ADGRG5: variants seen among roughly 807,000 people sequenced by gnomAD.
ADGRG5 encodes G protein-coupled receptor 114.
In ADGRG5, 37 loss-of-function variants were observed where a neutral mutation model predicts 53.2. The observed-to-expected ratio is 0.70, with a 90% CI of 0.53 to 0.91. ADGRG5 has a LOEUF of 0.91. Ranked by LOEUF, ADGRG5 falls within the 40% of genes least tolerant of loss-of-function variation. The pLI, the probability that ADGRG5 is intolerant of heterozygous loss-of-function variation, is 0.00. For missense variants in ADGRG5, 614 were observed against 675.8 expected, an observed-to-expected ratio of 0.91 and a Z score of 1.01; for synonymous variants, 277 against 290.4, an observed-to-expected ratio of 0.95 and a Z score of 0.47.
chr16:57,552,796 C>T (rs1199894936), intron 1 of ADGRG5, among the ~76,000 whole-genome samples: 1 of 152,184 alleles, frequency 6.6e-6, no homozygotes, highest in Non-Finnish European at 1.5e-5. Flanking sequence ...TGGGTTTTCA[C>T]GTGTCTTCCT....
the ADGRG5 span, among the ~76,000 whole-genome samples, chr16:57,529,895 T>C: frequency 2.6e-5 from 4 of 152,320 alleles, no homozygotes; most frequent in South Asian, 8.3e-4. The surrounding 1 kb of genome is among the most constrained non-coding windows in gnomAD (Gnocchi z 4.1). Context: ...ACCACTGTTT[T>C]AGTCCCAACA....
At chr16:57,547,231 C>T (rs1398090351) in intron 1 of ADGRG5, among the ~76,000 whole-genome samples, 1 of 151,992 alleles carries the variant, frequency 6.6e-6, no homozygotes, top group African/African-American at 2.4e-5. Flanking sequence ...TTAAACAATA[C>T]AGAAAATATA....
At chr16:57,565,342 A>C (rs1362852413) in intron 6 of ADGRG5, 192 bp downstream of exon 6, 6 of 604,460 alleles carry the variant, frequency 9.9e-6, no homozygotes, top group Admixed American at 6.1e-5. Context: ...TTCAGTTGCA[A>C]GTAAGAAAAG....
chr16:57,544,504 C>T (rs1361699489), intron 1 of ADGRG5, among the ~76,000 whole-genome samples: 1 of 152,082 alleles, frequency 6.6e-6, no homozygotes, highest in African/African-American at 2.4e-5. Context: ...TCTGCTTTGG[C>T]CTCAATTTCT....
chr16:57,529,335 AC>A, the ADGRG5 span: 3 of 1,037,750 alleles, frequency 2.9e-6, no homozygotes, highest in Non-Finnish European at 3.6e-6. The surrounding 1 kb of genome is among the most constrained non-coding windows in gnomAD (Gnocchi z 4.1). Flanking sequence ...CTACGGGAGA[AC>A]ACAACCGTTA....
At chr16:57,561,271 GCCT>G (rs1327582864) in intron 1 of ADGRG5, among the ~76,000 whole-genome samples, 1 of 152,198 alleles carries the variant, frequency 6.6e-6, no homozygotes, top group East Asian at 1.9e-4. Flanking sequence ...CCTACTTGTA[GCCT>G]CCAAAATTTA....
intron 8 of ADGRG5, 26 bp from the exon 9 acceptor site, chr16:57,567,829 CA>C: frequency 6.3e-7 from 1 of 1,595,874 alleles, no homozygotes; most frequent in Non-Finnish European, 8.5e-7. Context: ...GTCCCTGGGC[CA>C]TGGAGGACCA....
At chr16:57,558,871 G>T (rs1596783796) in intron 1 of ADGRG5, among the ~76,000 whole-genome samples, 2 of 151,188 alleles carry the variant, frequency 1.3e-5, no homozygotes. Flanking sequence ...TTGAGACAGG[G>T]TCTCACTCTG....
chr16:57,562,219 G>T, intron 2 of ADGRG5, 62 bp downstream of exon 2: 6 of 1,517,052 alleles, frequency 4.0e-6, no homozygotes, highest in Non-Finnish European at 2.7e-6. Flanking sequence ...TGATGCAAAA[G>T]GGGGAGGCGT....
At position 57,575,422 on chromosome 16, in the gene ADGRG5, C is replaced by T. The variant is rs553014408; in HGVS notation, c.1487-16C>T. ...AGCCCATGCTGCCCCGTGGAACTCC[C>T]GCCTTTCTCTTGCAGGTTTCTTCCT... On this transcript the variant is annotated splice_polypyrimidine_tract_variant and intron_variant, in intron 11 of 11. Transcript: ENST00000349457. 1.6e-5 allele frequency: 25 copies of T among 1,612,626 alleles called. No homozygotes were observed. The highest frequency in any genetic ancestry group is 4.4e-5 in the South Asian group (4 of 91,038).
intron 9 of ADGRG5, among the ~76,000 whole-genome samples, chr16:57,569,230 A>G (rs576321297): frequency 1.6e-5 from 2 of 128,888 alleles, no homozygotes; most frequent in South Asian, 5.7e-4. Context: ...CACCACCACC[A>G]TCATCTCCTT....
rs35948606 is a variant in ADGRG5 at position 57,556,908 on chromosome 16, C to CTTTTTTT, written c.-38-5135_-38-5129dup. On this transcript the variant is annotated intron_variant, in intron 1 of 11. Coordinates refer to ENST00000349457, the MANE Select transcript of ADGRG5 (RefSeq NM_001304376.3). The stretch of plus-strand genomic sequence containing the variant: ...GAAGAAGTTCTTATTTTGCCTTCTT[C>CTTTTTTT]TTTTTTTTTTTTTTTTTTTGAGACA... Among the ~76,000 whole-genome samples, 277 of 115,648 alleles carry CTTTTTTT rather than the reference C, an allele frequency of 2.4e-3. 1 individual carries two copies. The highest frequency in any genetic ancestry group is 6.8e-3 in the East Asian group (26 of 3,798). The allele number at this position is 115,648 out of a possible 152,430, so 75.9% of individuals were successfully genotyped here. A position where few individuals can be genotyped will look rare whatever the true frequency, so the allele number is the denominator to read the frequency against.
chr16:57,553,987 C>A (rs544199548), intron 1 of ADGRG5, among the ~76,000 whole-genome samples: 28 of 152,280 alleles, frequency 1.8e-4, no homozygotes, highest in African/African-American at 6.7e-4. Flanking sequence ...GTGAGGCCAT[C>A]TGGGCCTAGT....
the ADGRG5 span, among the ~76,000 whole-genome samples, chr16:57,530,410 A>G: frequency 6.6e-6 from 1 of 152,004 alleles, no homozygotes; most frequent in East Asian, 1.9e-4. Flanking sequence ...CTTCCCCATT[A>G]GGCAGAGAGC....
Position 57,565,056 on chromosome 16 carries a change from T to C in ADGRG5, c.452T>C (p.Leu151Pro), listed in dbSNP as rs750882461. The C allele has an allele frequency of 1.2e-6, 2 of 1,613,510 alleles. No homozygotes were observed. Residue 151 changes from leucine to proline, a missense_variant, in exon 6 of 12, where the codon CTG (leucine) becomes CCG (proline). Coordinates refer to ENST00000349457, the MANE Select transcript of ADGRG5 (RefSeq NM_001304376.3). ...FFKDENNSSL[L>P]NNYVLGAQLS... ...CAGGATGAAAACAACTCATCTCTGCTGAATAACTACGTCCTGGGGGCCCAG... is the reference window on the plus strand; with the variant it reads ...CAGGATGAAAACAACTCATCTCTGCCGAATAACTACGTCCTGGGGGCCCAG...
At position 57,570,476 on chromosome 16, in the gene ADGRG5, C is replaced by T; in HGVS notation, c.1149C>T (p.Pro383=). ...SLSVKSSVYG[P]CTIPVFDSWE... ...CTGTCAAGAGCTCGGTATACGGACC[C>T]TGCACAATCCCCGTCTTCGACAGCT... The change falls in exon 10 of 12, where the codon CCC becomes CCT. Residue 383 remains proline (P), a synonymous_variant. Transcript: ENST00000349457. 6.2e-7 allele frequency: 1 copy of T among 1,613,660 alleles called. No individual in the cohort carries two copies. Among genetic ancestry groups the T allele is most frequent in the Non-Finnish European group, 8.5e-7 (1 of 1,179,992 alleles).
At chr16:57,540,358 CTG>C (rs1444208332), upstream of ADGRG5, among the ~76,000 whole-genome samples, 2 of 152,180 alleles carry the variant, frequency 1.3e-5, no homozygotes, top group African/African-American at 2.4e-5. Flanking sequence ...TGCATTGTGA[CTG>C]TTTATCTAAA....
chr16:57,557,926 T>C (rs1246723489), intron 1 of ADGRG5, among the ~76,000 whole-genome samples: 1 of 152,262 alleles, frequency 6.6e-6, no homozygotes, highest in Non-Finnish European at 1.5e-5. Flanking sequence ...ATCTTGTCTC[T>C]ATATGATAGT....
Position 57,563,968 on chromosome 16 carries a change from C to A in ADGRG5, c.418C>A (p.His140Asn). 1 of 1,612,668 alleles carries A rather than the reference C, an allele frequency of 6.2e-7. No individual in the cohort carries two copies. The highest frequency in any genetic ancestry group is 8.5e-7 in the Non-Finnish European group (1 of 1,178,854). Residue 140 changes from histidine (H) to asparagine (N), a missense_variant, in exon 5 of 12, where the codon CAC becomes AAC. By Grantham distance (68) the His-to-Asn change is moderately conservative (BLOSUM62 1). Coordinates refer to ENST00000349457, the MANE Select transcript of ADGRG5 (RefSeq NM_001304376.3). The part of the protein sequence containing the change: ...RLICIYFSNT[H>N]FFKDENNSSL... ...CATCTGTATCTACTTCTCCAACACCCACTTTTTCAAGGTCAGTGTGATGGC... is the reference window on the plus strand; with the variant it reads ...CATCTGTATCTACTTCTCCAACACCAACTTTTTCAAGGTCAGTGTGATGGC...
Sources: allele counts gnomAD v4.1 joint callset (sites outside exome capture counted in the v4.1 genomes callset), GRCh38; gene constraint gnomAD v4.1.1; non-coding constraint Gnocchi (gnomAD v3.1); transcripts MANE v1.5; gene names NCBI Gene and HGNC (gene_info 2026-07-23, HGNC 2026-07-21).